The following RASGRP1 variants were observed in gnomAD, a reference collection of about 807,000 sequenced individuals.
RASGRP1 encodes RAS guanyl releasing protein 1.
A neutral mutation model predicts 95.1 loss-of-function variants in RASGRP1; 37 were observed. That is an observed-to-expected ratio of 0.39 (90% confidence interval 0.30 to 0.51). RASGRP1 has a LOEUF of 0.51. Ranked by LOEUF, RASGRP1 falls within the 20% of genes least tolerant of loss-of-function variation. The pLI is 0.80. For synonymous variants in RASGRP1, 325 were observed against 353.4 expected, an observed-to-expected ratio of 0.92 and a Z score of 0.90; for missense variants, 711 against 965.4, an observed-to-expected ratio of 0.74 and a Z score of 3.49.
intron 2 of RASGRP1, among the ~76,000 whole-genome samples, chr15:38,557,625 G>C (rs969867261): frequency 6.7e-6 from 1 of 149,126 alleles, no homozygotes; most frequent in Non-Finnish European, 1.5e-5. Flanking sequence ...GTGTGTGTGT[G>C]TGTGTATATA....
chr15:38,559,964 A>AAGGGGCT lies in RASGRP1; in HGVS notation c.76_77insAGCCCCT (p.Leu26GlnfsTer44), dbSNP rs1166904071. The AAGGGGCT allele has an allele frequency of 6.2e-7, 1 of 1,613,506 alleles. No homozygotes were observed. Among genetic ancestry groups the AAGGGGCT allele is most frequent in the South Asian group, 1.1e-5 (1 of 90,914 alleles). On this transcript the variant is annotated frameshift_variant, in exon 2 of 17. Transcript: ENST00000310803. LOFTEE classifies it high-confidence loss of function. Reference sequence around the variant, plus strand: ...GGGGCTGTTGGCTGGCTTTGCCTCTAGTCTTGCTTTAGAGGCAGCTCTGCA... The same window carrying AAGGGGCT: ...GGGGCTGTTGGCTGGCTTTGCCTCTAAGGGGCTGTCTTGCTTTAGAGGCAGCTCTGCA...
Position 38,516,676 on chromosome 15 carries a change from A to T in RASGRP1, c.522-326T>A, listed in dbSNP as rs370367646. Among the ~76,000 whole-genome samples, 78 of 151,494 alleles carry T rather than the reference A, an allele frequency of 5.1e-4. 1 individual carries two copies. In the East Asian group the frequency reaches 0.015, roughly 28 times the overall value. ...TTTGGTCCTGGCTCCTTTGTGTATC[A>T]TCTGGTATGTCTGCTCCCTCCATTC... is the stretch of plus-strand genomic sequence containing the variant. On this transcript the variant is annotated intron_variant, in intron 5 of 16. Transcript: ENST00000310803.
At chr15:38,530,064 T>G (rs976290578) in intron 2 of RASGRP1, among the ~76,000 whole-genome samples, 9 of 152,202 alleles carry the variant, frequency 5.9e-5, no homozygotes, top group Non-Finnish European at 1.3e-4. Flanking sequence ...ACAAAAATTC[T>G]GCATAACCAA....
intron 4 of RASGRP1, 23 bp from the exon 5 acceptor site, chr15:38,518,446 CA>C: frequency 6.3e-7 from 1 of 1,588,974 alleles, no homozygotes; most frequent in Non-Finnish European, 8.6e-7. Context: ...GGTTAAAAAA[CA>C]CAATCCAAAA....
intron 2 of RASGRP1, among the ~76,000 whole-genome samples, chr15:38,555,745 A>G (rs1893530716): frequency 6.6e-6 from 1 of 152,256 alleles, no homozygotes; most frequent in African/African-American, 2.4e-5. Context: ...AAAATAAGTC[A>G]GTCCATAAAT....
chr15:38,536,236 C>T (rs191151600), intron 2 of RASGRP1, among the ~76,000 whole-genome samples: 8 of 152,188 alleles, frequency 5.3e-5, no homozygotes, highest in Admixed American at 5.2e-4. Context: ...CATTCCCATG[C>T]AGCACTATAG....
chr15:38,516,475 G>T, intron 5 of RASGRP1, 125 bp from the exon 6 acceptor site: 1 of 1,193,102 alleles, frequency 8.4e-7, no homozygotes, highest in Non-Finnish European at 1.2e-6. Context: ...CCTTGTGAAT[G>T]CCAAAACAGT....
At chr15:38,548,626 C>T (rs774476165) in intron 2 of RASGRP1, among the ~76,000 whole-genome samples, 8 of 149,814 alleles carry the variant, frequency 5.3e-5, no homozygotes, top group African/African-American at 7.7e-5. Context: ...AGCAAAACAA[C>T]GTAAGGGACC....
intron 2 of RASGRP1, among the ~76,000 whole-genome samples, chr15:38,555,827 A>G (rs1169732690): frequency 6.6e-6 from 1 of 152,164 alleles, no homozygotes; most frequent in Non-Finnish European, 1.5e-5. Context: ...CCCACGTCTC[A>G]CTGGGAGTAG....
chr15:38,558,733 T>C (rs573443887), intron 2 of RASGRP1, among the ~76,000 whole-genome samples: 16 of 152,354 alleles, frequency 1.1e-4, no homozygotes, highest in African/African-American at 3.1e-4. Flanking sequence ...GTTGAAATAG[T>C]TGAAACTGTT....
intron 2 of RASGRP1, among the ~76,000 whole-genome samples, chr15:38,556,817 G>A (rs904272437): frequency 2.0e-5 from 3 of 152,308 alleles, no homozygotes; most frequent in Non-Finnish European, 4.4e-5. Context: ...GAGGTTGAGA[G>A]GCAGTAGAAA....
chr15:38,493,505 C>T (rs1890677423), intron 16 of RASGRP1, among the ~76,000 whole-genome samples: 1 of 152,102 alleles, frequency 6.6e-6, no homozygotes, highest in African/African-American at 2.4e-5. Context: ...TTATTCCCTT[C>T]TCTCAAACCT....
Position 38,549,743 on chromosome 15 carries a change from C to T in RASGRP1, c.220+10078G>A, listed in dbSNP as rs7183714. ...CACTGGTGTCCTTCTAAGTACATCTCCATCCTAGGAAGCATCTTCTGCTTG... is the reference window on the plus strand; with the variant it reads ...CACTGGTGTCCTTCTAAGTACATCTTCATCCTAGGAAGCATCTTCTGCTTG... On this transcript the variant is annotated intron_variant, in intron 2 of 16. Transcript: ENST00000310803. 1.3e-3 allele frequency among the ~76,000 whole-genome samples: 205 copies of T among 151,920 alleles called. 1 individual carries two copies. Among genetic ancestry groups the T allele is most frequent in the African/African-American group, 4.7e-3 (196 of 41,408 alleles).
At chr15:38,496,055 T>C (rs1890781331) in intron 15 of RASGRP1, among the ~76,000 whole-genome samples, 1 of 152,110 alleles carries the variant, frequency 6.6e-6, no homozygotes, top group Non-Finnish European at 1.5e-5. Context: ...GATGACAGTG[T>C]TAACAGAAAT....
chr15:38,564,554 G>A, intron 1 of RASGRP1, 40 bp downstream of exon 1: 2 of 1,353,608 alleles, frequency 1.5e-6, no homozygotes, highest in Non-Finnish European at 9.6e-7. Context: ...CCCAAGAAAG[G>A]ACACAGGCGC....
chr15:38,494,190 A>C, intron 16 of RASGRP1, 192 bp downstream of exon 16: 1 of 740,222 alleles, frequency 1.4e-6, no homozygotes, highest in Non-Finnish European at 2.2e-6. Context: ...GAAAGCTGGA[A>C]TCAATCATCC....
intron 1 of RASGRP1, chr15:38,560,398 T>G: frequency 7.7e-6 from 2 of 260,782 alleles, no homozygotes; most frequent in South Asian, 9.0e-5. Flanking sequence ...TTGGCTAACT[T>G]TGGCAGGGCA....
Position 38,541,916 on chromosome 15 carries a change from A to T in RASGRP1, c.221-15512T>A, listed in dbSNP as rs376727928. On this transcript the variant is annotated intron_variant, in intron 2 of 16. Transcript: ENST00000310803. ...AGATTTGACTGGAAGAAATGGCTAA[A>T]GCTTCATAAAGATGGTAGCATTTGA... Among the ~76,000 whole-genome samples the T allele has an allele frequency of 5.3e-5, 8 of 152,312 alleles. 1 individual carries two copies. The highest frequency in any genetic ancestry group is 1.9e-4 in the African/African-American group (8 of 41,568).
chr15:38,492,707 C>T (rs1432728170), intron 16 of RASGRP1, among the ~76,000 whole-genome samples: 1 of 152,092 alleles, frequency 6.6e-6, no homozygotes, highest in Non-Finnish European at 1.5e-5. Context: ...AGTTTCTTAC[C>T]ATTTGTAGGT....
Sources: allele counts gnomAD v4.1 joint callset (sites outside exome capture counted in the v4.1 genomes callset), GRCh38; gene constraint gnomAD v4.1.1; transcripts MANE v1.5; gene names NCBI Gene and HGNC (gene_info 2026-07-23, HGNC 2026-07-21).